FAM135B: variants seen among roughly 807,000 people sequenced by gnomAD.
FAM135B encodes the protein protein FAM135B.
In FAM135B, 43 loss-of-function variants were observed where a neutral mutation model predicts 127.7. The observed-to-expected ratio is 0.34, with a 90% CI of 0.26 to 0.43. The LOEUF is 0.43. Ranked by LOEUF, FAM135B falls within the 20% of genes least tolerant of loss-of-function variation. The pLI is 1.00. For synonymous variants in FAM135B, 670 were observed against 665.1 expected (o/e 1.01, Z -0.11); for missense variants, 1,558 against 1,725.6 (o/e 0.90, Z 1.72).
chr8:138,281,574 T>C lies in FAM135B; in HGVS notation c.158-15732A>G, dbSNP rs1824267381. Among the ~76,000 whole-genome samples, 5 of 152,140 alleles carry C rather than the reference T, an allele frequency of 3.3e-5. No individual in the cohort carries two copies. The South Asian group carries it at 8.3e-4, about 25-fold the overall frequency. On this transcript the variant is annotated intron_variant, in intron 3 of 19. Coordinates refer to ENST00000395297, the MANE Select transcript of FAM135B (RefSeq NM_015912.4). ...GGATTCTTTGCAGTATTCTCCAATGTTGTTCCACTCCTCCCCCTTGAAATA... is the reference window on the plus strand; with the variant it reads ...GGATTCTTTGCAGTATTCTCCAATGCTGTTCCACTCCTCCCCCTTGAAATA...
chr8:138,173,009 G>A (rs1208932422), intron 11 of FAM135B, among the ~76,000 whole-genome samples: 1 of 152,114 alleles, frequency 6.6e-6, no homozygotes, highest in African/African-American at 2.4e-5. Context: ...TTCAGCACAT[G>A]GTCACCTCCT....
At chr8:138,146,576 G>A (rs566249687) in intron 14 of FAM135B, among the ~76,000 whole-genome samples, 13 of 152,150 alleles carry the variant, frequency 8.5e-5, no homozygotes, top group Admixed American at 4.6e-4. Context: ...CAAGAGACAT[G>A]GCAGAGCAAG....
At chr8:138,373,866 C>T (rs1398364594) in intron 1 of FAM135B, among the ~76,000 whole-genome samples, 2 of 152,054 alleles carry the variant, frequency 1.3e-5, no homozygotes, top group East Asian at 1.9e-4. Flanking sequence ...TTGGTCAGAC[C>T]GGTTGCTCTC....
intron 4 of FAM135B, among the ~76,000 whole-genome samples, chr8:138,265,267 A>G (rs975366794): frequency 7.9e-5 from 12 of 152,178 alleles, no homozygotes; most frequent in Admixed American, 3.3e-4. Flanking sequence ...TTGCTTATAT[A>G]TCTGTTTTCC....
chr8:138,346,730 T>C (rs955428369), intron 2 of FAM135B, among the ~76,000 whole-genome samples: 15 of 152,100 alleles, frequency 9.9e-5, no homozygotes, highest in Admixed American at 2.0e-4. Flanking sequence ...GCTTAATACC[T>C]AGGTGATGGG....
chr8:138,426,497 A>T (rs1471229579), intron 1 of FAM135B, among the ~76,000 whole-genome samples: 1 of 151,094 alleles, frequency 6.6e-6, no homozygotes, highest in Non-Finnish European at 1.5e-5. Context: ...ATATACACAT[A>T]TGTATACTAT....
At chr8:138,342,493 G>A (rs933541997) in intron 2 of FAM135B, among the ~76,000 whole-genome samples, 1 of 152,188 alleles carries the variant, frequency 6.6e-6, no homozygotes, top group Non-Finnish European at 1.5e-5. Context: ...GCGACCAAGA[G>A]CCCTTCAGGT....
chr8:138,261,854 T>C (rs940771844), intron 4 of FAM135B, among the ~76,000 whole-genome samples: 3 of 152,240 alleles, frequency 2.0e-5, no homozygotes, highest in African/African-American at 7.2e-5. Context: ...CACAATGATG[T>C]CTATGTGCAT....
rs7816196 is a variant in FAM135B, at chr8:138,141,142, C to A, written c.3790+56G>T. On this transcript the variant is annotated intron_variant, in intron 17 of 19. Transcript: ENST00000395297. This position sits in a 1 kb window ranked among gnomAD's most constrained non-coding sequence, Gnocchi z 4.7. ...GTGGAAGTACCTGTGCCCGGTTTCA[C>A]GCCCCAGAGGCCCCAGATTAATTCT... 0.29 allele frequency: 459,147 copies of A among 1,562,626 alleles called. 69,031 individuals carry two copies. The highest frequency in any genetic ancestry group is 0.33 in the Middle Eastern group (1,921 of 5,848).
chr8:138,404,063 T>A (rs937693192), intron 1 of FAM135B, among the ~76,000 whole-genome samples: 1 of 152,120 alleles, frequency 6.6e-6, no homozygotes, highest in Non-Finnish European at 1.5e-5. Context: ...GTGATTTTCT[T>A]ATATTCAATT....
chr8:138,383,260 C>T (rs1396897982), intron 1 of FAM135B, among the ~76,000 whole-genome samples: 1 of 152,148 alleles, frequency 6.6e-6, no homozygotes, highest in Non-Finnish European at 1.5e-5. Flanking sequence ...GTCTTTAAAG[C>T]CAGACATGCT....
chr8:138,211,804 A>T (rs1818163365), intron 7 of FAM135B, among the ~76,000 whole-genome samples: 2 of 152,104 alleles, frequency 1.3e-5, no homozygotes, highest in South Asian at 4.1e-4. Flanking sequence ...ATGGTGGCTC[A>T]CTCCTGTAAT....
At chr8:138,276,834 G>A (rs1586946360) in intron 3 of FAM135B, among the ~76,000 whole-genome samples, 1 of 151,994 alleles carries the variant, frequency 6.6e-6, no homozygotes, top group South Asian at 2.1e-4. Context: ...CAGGCAGGGC[G>A]GTGAGCAGGG....
At chr8:138,406,899 G>C (rs1203402606) in intron 1 of FAM135B, among the ~76,000 whole-genome samples, 13 of 151,518 alleles carry the variant, frequency 8.6e-5, no homozygotes, top group Non-Finnish European at 1.3e-4. Flanking sequence ...AGTGTTGGAA[G>C]TTCTGGCCAG....
intron 2 of FAM135B, among the ~76,000 whole-genome samples, chr8:138,341,631 G>C (rs982726081): frequency 1.2e-4 from 19 of 152,030 alleles, no homozygotes; most frequent in Non-Finnish European, 2.5e-4. Context: ...AAAGGTTTTT[G>C]GTAAAGTGAA....
intron 11 of FAM135B, among the ~76,000 whole-genome samples, chr8:138,170,686 T>C (rs1305876050): frequency 6.6e-6 from 1 of 152,154 alleles, no homozygotes. Context: ...ACTGCATGGA[T>C]TATTCTCAAT....
chr8:138,388,590 G>A (rs971031850), intron 1 of FAM135B, among the ~76,000 whole-genome samples: 8 of 152,216 alleles, frequency 5.3e-5, no homozygotes, highest in East Asian at 1.9e-4. Flanking sequence ...AAGCCATGTC[G>A]AGGCATGGAG....
chr8:138,257,331 T>C (rs1174850358), intron 4 of FAM135B, among the ~76,000 whole-genome samples: 4 of 152,208 alleles, frequency 2.6e-5, no homozygotes, highest in East Asian at 3.9e-4. Context: ...TTGAAATCCA[T>C]TGTATTTAAC....
chr8:138,459,988 G>C (rs1163656816), intron 1 of FAM135B, among the ~76,000 whole-genome samples: 4 of 152,180 alleles, frequency 2.6e-5, no homozygotes, highest in Admixed American at 6.5e-5. Flanking sequence ...CTCAATTTGA[G>C]ATAAGGATGA....
Sources: gnomAD v4.1 joint callset for allele counts (sites outside exome capture counted in the v4.1 genomes callset) on GRCh38, gnomAD v4.1.1 for gene constraint, Gnocchi (gnomAD v3.1) non-coding constraint, MANE v1.5 for transcripts, NCBI Gene and HGNC (gene_info 2026-07-23, HGNC 2026-07-21) for gene names.